Variants in KIRREL3 observed in about 807,000 individuals in gnomAD.
The protein encoded by KIRREL3 is kin of IRRE-like protein 3.
Under a neutral mutation model 89.7 loss-of-function variants are expected in KIRREL3, and 36 were observed. The observed-to-expected ratio is 0.40, with a 90% CI of 0.31 to 0.53. The LOEUF is 0.53. Among genes scored for constraint, KIRREL3 ranks in the 20% least tolerant of loss-of-function variants. The pLI, the probability that KIRREL3 is intolerant of heterozygous loss-of-function variation, is 0.49. For missense variants in KIRREL3, 864 were observed against 1,056.6 expected, an observed-to-expected ratio of 0.82 and a Z score of 2.53; for synonymous variants, 445 against 441.4, an observed-to-expected ratio of 1.01 and a Z score of -0.10.
intron 1 of KIRREL3, among the ~76,000 whole-genome samples, chr11:126,968,226 T>G (rs1412774953): frequency 6.6e-6 from 1 of 152,232 alleles, no homozygotes; most frequent in Non-Finnish European, 1.5e-5. Context: ...TGTATTTTTT[T>G]TAATTAACAG....
intron 1 of KIRREL3, among the ~76,000 whole-genome samples, chr11:126,982,282 G>A (rs1294129328): frequency 6.6e-6 from 1 of 152,220 alleles, no homozygotes; most frequent in Non-Finnish European, 1.5e-5. Flanking sequence ...CTTGTAAGGT[G>A]GGTGTGGGCA....
chr11:126,782,340 C>A lies in KIRREL3; in HGVS notation c.55+218115G>T, dbSNP rs1431599460. ...ATTTTTTGATGTTTATTTGTTCCTG[C>A]AGCTTTGCCTGGCTTATTCAGACTA... On this transcript the variant is annotated intron_variant, in intron 1 of 16. Transcript: ENST00000525144. This position sits in a 1 kb window ranked among gnomAD's most constrained non-coding sequence, Gnocchi z 4.1. Among the ~76,000 whole-genome samples the A allele has an allele frequency of 6.6e-6, 1 of 152,200 alleles. No individual in the cohort carries two copies. Among genetic ancestry groups the A allele is most frequent in the African/African-American group, 2.4e-5 (1 of 41,446 alleles).
chr11:126,728,776 C>T (rs1457266791), intron 1 of KIRREL3, among the ~76,000 whole-genome samples: 1 of 152,186 alleles, frequency 6.6e-6, no homozygotes, highest in Non-Finnish European at 1.5e-5. Flanking sequence ...TGGGAGGGCC[C>T]CCAGGTCCCT....
At position 126,757,451 on chromosome 11, in the gene KIRREL3, G is replaced by C. The variant is rs115646315; in HGVS notation, c.56-194539C>G. On this transcript the variant is annotated intron_variant, in intron 1 of 16. Coordinates refer to ENST00000525144, the MANE Select transcript of KIRREL3 (RefSeq NM_032531.4). The stretch of plus-strand genomic sequence containing the variant: ...AAGAAAATCTTTGGGCATTTCCTAA[G>C]CAATGTGGGAAAGGTATTTCAAGGG... 4.5e-3 allele frequency among the ~76,000 whole-genome samples: 691 copies of C among 152,298 alleles called. 6 individuals are homozygous for C. Among genetic ancestry groups the C allele is most frequent in the African/African-American group, 0.016 (666 of 41,580 alleles).
At chr11:126,618,748 C>G (rs147002117) in intron 1 of KIRREL3, among the ~76,000 whole-genome samples, 29 of 152,312 alleles carry the variant, frequency 1.9e-4, no homozygotes, top group Non-Finnish European at 3.2e-4. Flanking sequence ...TTCATTATAG[C>G]AATGCGAGAA....
rs184321330 is a variant in KIRREL3 at position 126,647,716 on chromosome 11, C to T, written c.56-84804G>A. Among the ~76,000 whole-genome samples the T allele has an allele frequency of 3.5e-3, 535 of 152,312 alleles. 1 individual carries two copies. The highest frequency in any genetic ancestry group is 6.3e-3 in the Non-Finnish European group (427 of 68,020). On this transcript the variant is annotated intron_variant, in intron 1 of 16. Transcript: ENST00000525144. This position sits in a 1 kb window ranked among gnomAD's most constrained non-coding sequence, Gnocchi z 4.9. ...GCGGCCAGAGCCTCCTAATTGGTCT[C>T]GCAGCTTCCATCCTTGTCTTCTGCT...
intron 1 of KIRREL3, among the ~76,000 whole-genome samples, chr11:126,779,899 T>C (rs776799478): frequency 3.3e-5 from 5 of 152,084 alleles, no homozygotes; most frequent in Admixed American, 6.5e-5. Context: ...TTTGCTACCA[T>C]TGGGCCTTTA....
intron 1 of KIRREL3, among the ~76,000 whole-genome samples, chr11:126,801,977 AAAGT>A (rs374730671): frequency 2.8e-4 from 42 of 152,264 alleles, no homozygotes; most frequent in African/African-American, 6.5e-4. Context: ...AAGAAAAGCA[AAAGT>A]AAGATTTCAC....
rs1945831119 is a variant in KIRREL3, at chr11:126,669,317, CA to C, written c.56-106406del. ...TCCTTCAGCGTATTTCAAACACGTGCAAGATCTTCCTCCTTCCCTGAGACAC... is the reference window on the plus strand; with the variant it reads ...TCCTTCAGCGTATTTCAAACACGTGCAGATCTTCCTCCTTCCCTGAGACAC... On this transcript the variant is annotated intron_variant, in intron 1 of 16. Coordinates refer to ENST00000525144, the MANE Select transcript of KIRREL3 (RefSeq NM_032531.4). This position sits in a 1 kb window ranked among gnomAD's most constrained non-coding sequence, Gnocchi z 5.0. Among the ~76,000 whole-genome samples the C allele has an allele frequency of 6.6e-6, 1 of 152,158 alleles. No homozygotes were observed. The highest frequency in any genetic ancestry group is 6.5e-5 in the Admixed American group (1 of 15,278).
Position 126,982,770 on chromosome 11 carries a change from A to C in KIRREL3, c.55+17685T>G, listed in dbSNP as rs563086507. 3.3e-5 allele frequency among the ~76,000 whole-genome samples: 5 copies of C among 152,318 alleles called. 1 individual carries two copies. In the South Asian group the frequency reaches 1.0e-3, roughly 32 times the overall value. On this transcript the variant is annotated intron_variant, in intron 1 of 16. Coordinates refer to ENST00000525144, the MANE Select transcript of KIRREL3 (RefSeq NM_032531.4). ...CCTCCTACCCTGCAGCAAATCATAC[A>C]TGGACAAACGCAGGGTCCATTCATC...
intron 1 of KIRREL3, among the ~76,000 whole-genome samples, chr11:126,842,275 G>C (rs1055822555): frequency 3.3e-5 from 5 of 152,078 alleles, no homozygotes; most frequent in Non-Finnish European, 1.5e-5. Flanking sequence ...GGATGCCCCT[G>C]CTCAATCGGC....
rs1463562651 is a variant in KIRREL3 at position 126,643,027 on chromosome 11, C to CATCT, written c.56-80116_56-80115insAGAT. Among the ~76,000 whole-genome samples the CATCT allele has an allele frequency of 4.0e-5, 6 of 150,980 alleles. No individual in the cohort carries two copies. In the East Asian group the frequency reaches 5.8e-4, roughly 15 times the overall value. On this transcript the variant is annotated intron_variant, in intron 1 of 16. Coordinates refer to ENST00000525144, the MANE Select transcript of KIRREL3 (RefSeq NM_032531.4). This position sits in a 1 kb window ranked among gnomAD's most constrained non-coding sequence, Gnocchi z 4.5. ...CCATCCATCCATCCATCTATCCATC[C>CATCT]ATCCAATGCAAGGCATATTGTAATA...
rs369670873 is a variant in KIRREL3 at position 126,721,720 on chromosome 11, C to T, written c.56-158808G>A. On this transcript the variant is annotated intron_variant, in intron 1 of 16. Coordinates refer to ENST00000525144, the MANE Select transcript of KIRREL3 (RefSeq NM_032531.4). ...GAAGTCAGGGGATGAGCTTGAGCCC[C>T]CATAACTGCGCTCTCCCCTAGGGTC... Among the ~76,000 whole-genome samples the T allele has an allele frequency of 1.8e-4, 28 of 152,242 alleles. No individual in the cohort carries two copies. In the East Asian group the frequency reaches 3.1e-3, roughly 17 times the overall value.
chr11:126,822,259 C>A (rs1254475237), intron 1 of KIRREL3, among the ~76,000 whole-genome samples: 1 of 152,120 alleles, frequency 6.6e-6, no homozygotes, highest in Non-Finnish European at 1.5e-5. Flanking sequence ...TGTTGGCTAA[C>A]GGTATTACTA....
chr11:126,709,149 C>T lies in KIRREL3; in HGVS notation c.56-146237G>A, dbSNP rs569759436. ...GCTATGTGCTTGTTTCATTTAATAC[C>T]GTCAACGACCATATAAAGTGTGTTT... On this transcript the variant is annotated intron_variant, in intron 1 of 16. Coordinates refer to ENST00000525144, the MANE Select transcript of KIRREL3 (RefSeq NM_032531.4). The surrounding 1 kb of genome is among the most constrained non-coding windows in gnomAD (Gnocchi z 4.0). Among the ~76,000 whole-genome samples, 4 of 152,296 alleles carry T rather than the reference C, an allele frequency of 2.6e-5. No homozygotes were observed. The highest frequency in any genetic ancestry group is 2.1e-4 in the South Asian group (1 of 4,826).
At position 126,537,732 on chromosome 11, in the gene KIRREL3, G is replaced by T. The variant is rs1189097145; in HGVS notation, c.134-11045C>A. On this transcript the variant is annotated intron_variant, in intron 2 of 16. Transcript: ENST00000525144. The surrounding 1 kb of genome is among the most constrained non-coding windows in gnomAD (Gnocchi z 4.3). ...CCTATCTGAAAAATGGGGATGACAC[G>T]CCTCCCTGGCAAAGCTGCTGTGAGC... is the stretch of plus-strand genomic sequence containing the variant. Among the ~76,000 whole-genome samples, 1 of 152,202 alleles carries T rather than the reference G, an allele frequency of 6.6e-6. No homozygotes were observed. The highest frequency in any genetic ancestry group is 1.5e-5 in the Non-Finnish European group (1 of 68,038).
intron 1 of KIRREL3, among the ~76,000 whole-genome samples, chr11:126,824,441 A>G (rs1359048272): frequency 6.6e-6 from 1 of 152,134 alleles, no homozygotes; most frequent in Non-Finnish European, 1.5e-5. Context: ...AGGGTAAACA[A>G]CTCACCCAAC....
rs1948900949 is a variant in KIRREL3, at chr11:126,955,639, A to G, written c.55+44816T>C. 6.6e-6 allele frequency among the ~76,000 whole-genome samples: 1 copy of G among 152,200 alleles called. No homozygotes were observed. The highest frequency in any genetic ancestry group is 1.5e-5 in the Non-Finnish European group (1 of 68,036). ...CCATCATTTGCTCCCTCAACCACAC[A>G]TATTTATTAAGTAGCTACTATACAC... On this transcript the variant is annotated intron_variant, in intron 1 of 16. Coordinates refer to ENST00000525144, the MANE Select transcript of KIRREL3 (RefSeq NM_032531.4). This position sits in a 1 kb window ranked among gnomAD's most constrained non-coding sequence, Gnocchi z 4.6.
intron 1 of KIRREL3, among the ~76,000 whole-genome samples, chr11:126,841,087 G>A (rs770764635): frequency 9.8e-5 from 15 of 152,288 alleles, no homozygotes; most frequent in Non-Finnish European, 1.8e-4. Context: ...AAGTTTTATC[G>A]TAGGTATGTA....
Sources: gnomAD v4.1 joint callset for allele counts (sites outside exome capture counted in the v4.1 genomes callset) on GRCh38, gnomAD v4.1.1 for gene constraint, Gnocchi (gnomAD v3.1) non-coding constraint, MANE v1.5 for transcripts, NCBI Gene and HGNC (gene_info 2026-07-23, HGNC 2026-07-21) for gene names.